The following CYGB variants were observed in gnomAD, a reference collection of about 807,000 sequenced individuals.
The protein encoded by CYGB is histoglobin.
Under a neutral mutation model 20.7 loss-of-function variants are expected in CYGB, and 13 were observed. The ratio of observed to expected loss-of-function variants is 0.63; its 90% CI spans 0.41 to 1.00. CYGB has a LOEUF of 1.00. CYGB is among the 50% of genes least tolerant of loss of function. CYGB has a pLI of 0.00. For synonymous variants in CYGB, 93 were observed against 107.4 expected (o/e 0.87, Z 0.83); for missense variants, 218 against 257.2 (o/e 0.85, Z 1.04).
At chr17:76,534,140 T>TC (rs2074885005) in intron 1 of CYGB, among the ~76,000 whole-genome samples, 1 of 102,406 alleles carries the variant, frequency 9.8e-6, no homozygotes, top group Non-Finnish European at 2.2e-5. Flanking sequence ...CTCTCTCTCT[T>TC]TCTCTTTCTC....
At chr17:76,540,642 G>A, upstream of CYGB, 1 of 1,476,160 alleles carries the variant, frequency 6.8e-7, no homozygotes, top group Non-Finnish European at 9.4e-7. The surrounding 1 kb of genome is among the most constrained non-coding windows in gnomAD (Gnocchi z 5.0). Flanking sequence ...CATGCCTGGG[G>A]GTGCACGTGT....
chr17:76,528,539 C>A lies in CYGB; in HGVS notation c.*39G>T, dbSNP rs774830735. The A allele has an allele frequency of 5.1e-5, 65 of 1,286,166 alleles. No individual in the cohort carries two copies. Among genetic ancestry groups the A allele is most frequent in the Non-Finnish European group, 5.9e-5 (59 of 1,007,130 alleles). The allele number at this position is 1,286,166 out of a possible 1,614,324, so 79.7% of individuals were successfully genotyped here. ...AGGGTCTTCAGAACTCGGCCTTCTGCTCGAGGTGCTGCCAGGGAGGGGGGT... is the reference window on the plus strand; with the variant it reads ...AGGGTCTTCAGAACTCGGCCTTCTGATCGAGGTGCTGCCAGGGAGGGGGGT... On this transcript the variant is annotated 3_prime_UTR_variant, in exon 4 of 4. Coordinates refer to ENST00000293230, the MANE Select transcript of CYGB (RefSeq NM_134268.5). This position sits in a 1 kb window ranked among gnomAD's most constrained non-coding sequence, Gnocchi z 5.8.
chr17:76,528,698 G>A lies in CYGB; in HGVS notation c.540-87C>T, dbSNP rs145129132. Reference sequence around the variant, plus strand: ...GAAAGGGGGAGGACCTGGGGCTGGCGAGGCTCACTTCCTGCCAAGAGATCC... The same window carrying A: ...GAAAGGGGGAGGACCTGGGGCTGGCAAGGCTCACTTCCTGCCAAGAGATCC... On this transcript the variant is annotated intron_variant, in intron 3 of 3. Coordinates refer to ENST00000293230, the MANE Select transcript of CYGB (RefSeq NM_134268.5). This position sits in a 1 kb window ranked among gnomAD's most constrained non-coding sequence, Gnocchi z 5.8. 1.2e-5 allele frequency: 14 copies of A among 1,184,654 alleles called. No individual in the cohort carries two copies. Among genetic ancestry groups the A allele is most frequent in the East Asian group, 6.4e-5 (2 of 31,374 alleles). The allele number at this position is 1,184,654 out of a possible 1,614,324, so 73.4% of individuals were successfully genotyped here.
At chr17:76,538,350 G>T, upstream of CYGB, 2 of 335,968 alleles carry the variant, frequency 6.0e-6, no homozygotes, top group Admixed American at 3.7e-5. Flanking sequence ...CCCCCTGCCC[G>T]CCCACCGCCC....
At chr17:76,536,765 C>G (rs1050093125) in intron 1 of CYGB, among the ~76,000 whole-genome samples, 2 of 152,136 alleles carry the variant, frequency 1.3e-5, no homozygotes, top group Non-Finnish European at 2.9e-5. Flanking sequence ...CCTCACCCTC[C>G]AAACTCAGCA....
chr17:76,532,996 C>T (rs2074866229), intron 1 of CYGB, among the ~76,000 whole-genome samples: 2 of 152,320 alleles, frequency 1.3e-5, no homozygotes, highest in South Asian at 4.1e-4. Flanking sequence ...TTCGTGTGTC[C>T]CCTTTGCGAT....
At chr17:76,543,161 C>G (rs1208197242) in intron 1 of CYGB, 1 of 463,942 alleles carries the variant, frequency 2.2e-6, no homozygotes, top group East Asian at 7.0e-5. Flanking sequence ...GCCAGTCTCC[C>G]CTTCCCCCAG....
rs1007505088 is a variant in CYGB at position 76,533,957 on chromosome 17, C to T, written c.144-2266G>A. On this transcript the variant is annotated intron_variant, in intron 1 of 3. Coordinates refer to ENST00000293230, the MANE Select transcript of CYGB (RefSeq NM_134268.5). This position sits in a 1 kb window ranked among gnomAD's most constrained non-coding sequence, Gnocchi z 4.5. ...GCAGCAGGAAGATCCGATCGCATCA[C>T]GAGCCCAGGATTGGAGGCTGCCATG... Among the ~76,000 whole-genome samples the T allele has an allele frequency of 9.2e-5, 14 of 151,960 alleles. No homozygotes were observed. The highest frequency in any genetic ancestry group is 2.9e-4 in the African/African-American group (12 of 41,424).
At position 76,528,618 on chromosome 17, in the gene CYGB, A is replaced by G. The variant is rs2074794949; in HGVS notation, c.540-7T>C. ...GGGCAGTGTGGCCGGTGGGCTGTGG[A>G]CGAGATAGGAAGGGAAGGACAAACG... On this transcript the variant is annotated splice_region_variant and splice_polypyrimidine_tract_variant and intron_variant, in intron 3 of 3. Coordinates refer to ENST00000293230, the MANE Select transcript of CYGB (RefSeq NM_134268.5). This position sits in a 1 kb window ranked among gnomAD's most constrained non-coding sequence, Gnocchi z 5.8. 3 of 1,275,222 alleles carry G rather than the reference A, an allele frequency of 2.4e-6. No homozygotes were observed. In the African/African-American group the frequency reaches 4.6e-5, roughly 20 times the overall value. 79.0% of individuals were successfully genotyped at this position (1,275,222 alleles called of 1,614,324 possible). A position where few individuals can be genotyped will look rare whatever the true frequency, so the allele number is the denominator to read the frequency against.
rs1000024337 is a variant in CYGB, at chr17:76,528,830, G to C, written c.540-219C>G. The C allele has an allele frequency of 8.4e-7, 1 of 1,191,386 alleles. No homozygotes were observed. Among genetic ancestry groups the C allele is most frequent in the South Asian group, 4.4e-5 (1 of 22,648 alleles). The allele number at this position is 1,191,386 out of a possible 1,614,324, so 73.8% of individuals were successfully genotyped here. A position where few individuals can be genotyped will look rare whatever the true frequency, so the allele number is the denominator to read the frequency against. On this transcript the variant is annotated intron_variant, in intron 3 of 3. Transcript: ENST00000293230. This position sits in a 1 kb window ranked among gnomAD's most constrained non-coding sequence, Gnocchi z 5.8. ...AGTCTACTGGCCCATGGGAGCTCCGGATCTTTTTCTCTAAAATGTGAATAA... is the reference window on the plus strand; with the variant it reads ...AGTCTACTGGCCCATGGGAGCTCCGCATCTTTTTCTCTAAAATGTGAATAA...
chr17:76,541,475 G>A (rs571334995), upstream of CYGB, among the ~76,000 whole-genome samples: 1 of 152,280 alleles, frequency 6.6e-6, no homozygotes, highest in East Asian at 1.9e-4. Context: ...TGCCAGCAAT[G>A]TGTCCCTTAG....
In CYGB at chr17:76,530,255, C is replaced by T. The variant is rs1044647128; in HGVS notation, c.539+724G>A. Among the ~76,000 whole-genome samples the T allele has an allele frequency of 3.3e-5, 5 of 152,144 alleles. No individual in the cohort carries two copies. Among genetic ancestry groups the T allele is most frequent in the African/African-American group, 1.2e-4 (5 of 41,428 alleles). On this transcript the variant is annotated intron_variant, in intron 3 of 3. Transcript: ENST00000293230. This position sits in a 1 kb window ranked among gnomAD's most constrained non-coding sequence, Gnocchi z 6.1. ...ATTCAGCTCCCAGAGTCAGCCTCCC[C>T]TTGGGGGCCCAGGGAGGCCGAGTGT...
chr17:76,528,531 G>A lies in CYGB; in HGVS notation c.*47C>T. 7.8e-7 allele frequency: 1 copy of A among 1,277,888 alleles called. No individual in the cohort carries two copies. 79.2% of individuals were successfully genotyped at this position (1,277,888 alleles called of 1,614,324 possible). A position where few individuals can be genotyped will look rare whatever the true frequency, so the allele number is the denominator to read the frequency against. ...CGTCAAGGAGGGTCTTCAGAACTCG[G>A]CCTTCTGCTCGAGGTGCTGCCAGGG... On this transcript the variant is annotated 3_prime_UTR_variant, in exon 4 of 4. Transcript: ENST00000293230. The surrounding 1 kb of genome is among the most constrained non-coding windows in gnomAD (Gnocchi z 5.8).
Position 76,528,689 on chromosome 17 carries a change from G to A in CYGB, c.540-78C>T. 1.6e-6 allele frequency: 2 copies of A among 1,217,002 alleles called. No homozygotes were observed. The highest frequency in any genetic ancestry group is 2.1e-6 in the Non-Finnish European group (2 of 958,928). 75.4% of individuals were successfully genotyped at this position (1,217,002 alleles called of 1,614,324 possible). A position where few individuals can be genotyped will look rare whatever the true frequency, so the allele number is the denominator to read the frequency against. On this transcript the variant is annotated intron_variant, in intron 3 of 3. Coordinates refer to ENST00000293230, the MANE Select transcript of CYGB (RefSeq NM_134268.5). The surrounding 1 kb of genome is among the most constrained non-coding windows in gnomAD (Gnocchi z 5.8). The stretch of plus-strand genomic sequence containing the variant: ...CCCTCGGGGGAAAGGGGGAGGACCT[G>A]GGGCTGGCGAGGCTCACTTCCTGCC...
At chr17:76,545,225 A>C in intron 1 of CYGB, 1 of 456,616 alleles carries the variant, frequency 2.2e-6, no homozygotes, top group South Asian at 1.5e-5. Flanking sequence ...GCAGAAAGTT[A>C]CCTCTCTCAG....
chr17:76,527,844 T>A lies in CYGB; in HGVS notation c.*734A>T, dbSNP rs1378377136. The A allele has an allele frequency of 2.2e-6, 1 of 453,062 alleles. No homozygotes were observed. The highest frequency in any genetic ancestry group is 4.4e-6 in the Non-Finnish European group (1 of 226,098). 28.1% of individuals were successfully genotyped at this position (453,062 alleles called of 1,614,324 possible). On this transcript the variant is annotated 3_prime_UTR_variant, in exon 4 of 4. Transcript: ENST00000293230. ...ATTCTAGGACAGCCGGTGAGTCAGT[T>A]CCTCTGAGGGAGTAGGGGGAGCCCA...
chr17:76,535,334 A>T (rs1390146314), intron 1 of CYGB, among the ~76,000 whole-genome samples: 1 of 152,098 alleles, frequency 6.6e-6, no homozygotes, highest in African/African-American at 2.4e-5. Flanking sequence ...GAGGATGTGT[A>T]TGTTGTGTGT....
In CYGB at chr17:76,537,604, G is replaced by A. The variant is rs1158481613; in HGVS notation, c.-62C>T. On this transcript the variant is annotated 5_prime_UTR_variant, in exon 1 of 4. Coordinates refer to ENST00000293230, the MANE Select transcript of CYGB (RefSeq NM_134268.5). ...CGGCGGTGGCGGGGCGCGGGGCGCG[G>A]GGCGCGGGGCGCCGGGAGCCGGGGC... 17 of 1,050,360 alleles carry A rather than the reference G, an allele frequency of 1.6e-5. No homozygotes were observed. The highest frequency in any genetic ancestry group is 6.8e-5 in the African/African-American group (4 of 58,432). 65.1% of individuals were successfully genotyped at this position (1,050,360 alleles called of 1,614,324 possible). A position where few individuals can be genotyped will look rare whatever the true frequency, so the allele number is the denominator to read the frequency against.
intron 1 of CYGB, chr17:76,544,644 T>C (rs1398064110): frequency 6.6e-6 from 3 of 456,718 alleles, no homozygotes; most frequent in Non-Finnish European, 1.3e-5. Context: ...AGCCTGTCTC[T>C]CTCTTTGGAG....
Sources: allele counts gnomAD v4.1 joint callset (sites outside exome capture counted in the v4.1 genomes callset), GRCh38; gene constraint gnomAD v4.1.1; non-coding constraint Gnocchi (gnomAD v3.1); transcripts MANE v1.5; gene names NCBI Gene and HGNC (gene_info 2026-07-23, HGNC 2026-07-21).